BBS9: variants seen among roughly 807,000 people sequenced by gnomAD.
The protein encoded by BBS9 is Bardet-Biedl syndrome 9, also known as protein PTHB1.
In BBS9, 89 loss-of-function variants were observed where a neutral mutation model predicts 117.7. The ratio of observed to expected loss-of-function variants is 0.76; its 90% confidence interval spans 0.64 to 0.90. The LOEUF (loss-of-function observed/expected upper bound fraction) is 0.90, where lower values mean the gene tolerates loss of function less well. Among genes scored for constraint, BBS9 ranks in the 40% least tolerant of loss-of-function variants. The probability of loss-of-function intolerance (pLI) is 0.00; values close to 1 mark genes in which losing one functional copy is unlikely to be tolerated. For missense variants in BBS9, 982 were observed against 1,042.2 expected, an observed-to-expected ratio of 0.94 and a Z score of 0.80; for synonymous variants, 379 against 370.9, an observed-to-expected ratio of 1.02 and a Z score of -0.25.
At chr7:33,205,644 G>C (rs1786766812) in intron 5 of BBS9, among the ~76,000 whole-genome samples, 1 of 152,172 alleles carries the variant, frequency 6.6e-6, no homozygotes, top group Non-Finnish European at 1.5e-5. Flanking sequence ...AACTCCTCAT[G>C]AGGCATGAAA....
chr7:33,246,552 C>A (rs1404300053), intron 5 of BBS9, among the ~76,000 whole-genome samples: 1 of 151,762 alleles, frequency 6.6e-6, no homozygotes, highest in African/African-American at 2.4e-5. Flanking sequence ...TCTCTGGGGT[C>A]TTATCATGAT....
chr7:33,519,395 G>A (rs1848278775), intron 20 of BBS9, among the ~76,000 whole-genome samples: 1 of 152,184 alleles, frequency 6.6e-6, no homozygotes, highest in South Asian at 2.1e-4. Context: ...AATGATGAGT[G>A]CCTGCAATGA....
intron 19 of BBS9, among the ~76,000 whole-genome samples, chr7:33,467,017 C>T (rs1188392621): frequency 9.7e-6 from 1 of 103,292 alleles, no homozygotes; most frequent in Non-Finnish European, 1.9e-5. Context: ...TTCATTCTCT[C>T]TCTCTCTCTC....
chr7:33,468,258 A>G (rs759783774), intron 19 of BBS9, among the ~76,000 whole-genome samples: 2 of 152,144 alleles, frequency 1.3e-5, no homozygotes, highest in Non-Finnish European at 2.9e-5. Context: ...CTCAAGCCCA[A>G]ATATTTTTCA....
intron 19 of BBS9, among the ~76,000 whole-genome samples, chr7:33,429,486 C>T (rs1834117785): frequency 1.3e-5 from 2 of 152,056 alleles, no homozygotes; most frequent in East Asian, 3.9e-4. Context: ...TATGGCTTTG[C>T]CAACATACCA....
At chr7:33,473,756 G>A (rs1841419734) in intron 19 of BBS9, among the ~76,000 whole-genome samples, 1 of 152,052 alleles carries the variant, frequency 6.6e-6, no homozygotes, top group Non-Finnish European at 1.5e-5. Flanking sequence ...TCTCTCCTCT[G>A]CATTTCCATA....
At chr7:33,240,630 G>A (rs531318066) in intron 5 of BBS9, among the ~76,000 whole-genome samples, 2 of 152,058 alleles carry the variant, frequency 1.3e-5, no homozygotes, top group East Asian at 3.9e-4. Context: ...AGTTTATTGA[G>A]TTCCATGAAA....
intron 16 of BBS9, among the ~76,000 whole-genome samples, chr7:33,367,204 A>G (rs573964161): frequency 2.0e-5 from 3 of 152,214 alleles, no homozygotes; most frequent in Admixed American, 2.0e-4. Context: ...TCCCTTTATT[A>G]CTAATTTTTA....
At chr7:33,503,961 C>T (rs1444296748) in intron 19 of BBS9, among the ~76,000 whole-genome samples, 3 of 152,120 alleles carry the variant, frequency 2.0e-5, no homozygotes, top group African/African-American at 7.2e-5. Context: ...CACAGTAATC[C>T]GTCCCTTTGC....
At chr7:33,294,386 C>T (rs1201392840) in intron 9 of BBS9, among the ~76,000 whole-genome samples, 1 of 151,800 alleles carries the variant, frequency 6.6e-6, no homozygotes, top group Non-Finnish European at 1.5e-5. Context: ...TCCATCCATC[C>T]ATCCATCCAT....
intron 19 of BBS9, among the ~76,000 whole-genome samples, chr7:33,465,204 A>T (rs2128941103): frequency 6.6e-6 from 1 of 150,616 alleles, no homozygotes; most frequent in South Asian, 2.1e-4. Flanking sequence ...TGGAGGTAAT[A>T]CTTTTTTGGT....
chr7:33,491,816 A>G (rs1197108807), intron 19 of BBS9, among the ~76,000 whole-genome samples: 1 of 152,216 alleles, frequency 6.6e-6, no homozygotes, highest in Non-Finnish European at 1.5e-5. Context: ...AATTATTGGG[A>G]TTGTATAAAC....
At chr7:33,435,733 TG>T (rs1441869253) in intron 19 of BBS9, among the ~76,000 whole-genome samples, 1 of 152,196 alleles carries the variant, frequency 6.6e-6, no homozygotes, top group African/African-American at 2.4e-5. Context: ...AAAATAGCAG[TG>T]CATATTTTAT....
chr7:33,152,189 G>A (rs11763306), intron 2 of BBS9, among the ~76,000 whole-genome samples: 24,637 of 152,104 alleles, frequency 0.16, 2,140 homozygotes, highest in South Asian at 0.21. Context: ...TGACTTTAAC[G>A]TATCTTTTTT....
At chr7:33,582,120 T>C (rs544126082) in intron 21 of BBS9, among the ~76,000 whole-genome samples, 8 of 152,198 alleles carry the variant, frequency 5.3e-5, no homozygotes, top group African/African-American at 1.9e-4. Context: ...AGCCCCTCTT[T>C]GCTGTAATAG....
chr7:33,224,550 T>C (rs1274080289), intron 5 of BBS9, among the ~76,000 whole-genome samples: 1 of 152,236 alleles, frequency 6.6e-6, no homozygotes, highest in Admixed American at 6.5e-5. Flanking sequence ...TTAAAAAATA[T>C]GTTAATAGAT....
chr7:33,486,210 A>G (rs775883445), intron 19 of BBS9, among the ~76,000 whole-genome samples: 33 of 152,286 alleles, frequency 2.2e-4, no homozygotes, highest in South Asian at 6.2e-4. Context: ...TTCAGCTTAC[A>G]ATACTGAACC....
chr7:33,583,957 G>T (rs1860453490), intron 21 of BBS9, among the ~76,000 whole-genome samples: 1 of 152,010 alleles, frequency 6.6e-6, no homozygotes, highest in Non-Finnish European at 1.5e-5. Flanking sequence ...GCACTTGATA[G>T]ATATTAGCCA....
chr7:33,422,056 T>C (rs1832932725), intron 19 of BBS9, among the ~76,000 whole-genome samples: 1 of 152,180 alleles, frequency 6.6e-6, no homozygotes, highest in Admixed American at 6.6e-5. Context: ...TGTATAAATA[T>C]AAATAAGAAA....
Sources: allele counts gnomAD v4.1 joint callset (sites outside exome capture counted in the v4.1 genomes callset), GRCh38; gene constraint gnomAD v4.1.1; transcripts MANE v1.5; gene names NCBI Gene and HGNC (gene_info 2026-07-23, HGNC 2026-07-21).